PDZD2: variants seen among roughly 807,000 people sequenced by gnomAD.
The protein encoded by PDZD2 is PDZ domain-containing protein 2.
PDZD2 carries 90 observed loss-of-function variants against 220.7 expected under a neutral mutation model. The observed-to-expected ratio is 0.41, with a 90% CI of 0.34 to 0.49. PDZD2 has a LOEUF of 0.49. PDZD2 is among the 20% of genes least tolerant of loss of function. The pLI is 0.28. For missense variants in PDZD2, 3,174 were observed against 3,608.5 expected, an observed-to-expected ratio of 0.88 and a Z score of 3.08; for synonymous variants, 1,375 against 1,450.5, an observed-to-expected ratio of 0.95 and a Z score of 1.18.
In PDZD2 at chr5:31,799,324, G is replaced by A; in HGVS notation, c.76G>A (p.Gly26Ser). The A allele has an allele frequency of 6.2e-7, 1 of 1,614,214 alleles. No individual in the cohort carries two copies. The highest frequency in any genetic ancestry group is 8.5e-7 in the Non-Finnish European group (1 of 1,180,012). ...GTGGCTGCAGAACAGCCTGCAGGAAGGTGGGGATGGGCCGGAGCAGCGGCT... is the reference window on the plus strand; with the variant it reads ...GTGGCTGCAGAACAGCCTGCAGGAAAGTGGGGATGGGCCGGAGCAGCGGCT... ...YQWLQNSLQE[G>S]GDGPEQRLCQ... Residue 26 changes from glycine (G) to serine (S), a missense_variant, in exon 2 of 25, where the codon GGT (glycine) becomes AGT (serine). By Grantham distance (56) the Gly-to-Ser change is moderately conservative (BLOSUM62 0). Coordinates refer to ENST00000438447, the MANE Select transcript of PDZD2 (RefSeq NM_178140.4).
chr5:31,897,342 C>G (rs984715138), intron 2 of PDZD2, among the ~76,000 whole-genome samples: 7 of 152,060 alleles, frequency 4.6e-5, no homozygotes, highest in Admixed American at 3.9e-4. Context: ...CTGTGGACAG[C>G]CTGGACTGGT....
chr5:31,983,084 A>C, intron 2 of PDZD2, 71 bp from the exon 3 acceptor site: 1 of 1,503,574 alleles, frequency 6.7e-7, no homozygotes. Flanking sequence ...GGACCCTTGA[A>C]CGCGTCTGTC....
At chr5:31,960,981 A>G (rs749556426) in intron 2 of PDZD2, among the ~76,000 whole-genome samples, 10 of 152,122 alleles carry the variant, frequency 6.6e-5, no homozygotes, top group Non-Finnish European at 1.5e-4. Flanking sequence ...ACTGAGCCCA[A>G]TGCCATCACT....
chr5:32,044,487 TG>T (rs1737738192), intron 7 of PDZD2, among the ~76,000 whole-genome samples: 1 of 152,024 alleles, frequency 6.6e-6, no homozygotes, highest in Admixed American at 6.6e-5. Context: ...GGCAGTATGC[TG>T]GGGGAATTTG....
At chr5:31,855,025 GC>G (rs1393710285) in intron 2 of PDZD2, 37 of 985,142 alleles carry the variant, frequency 3.8e-5, no homozygotes, top group Non-Finnish European at 4.3e-5. Context: ...CCCCCGGGCC[GC>G]CTGCAGGTGA....
chr5:31,660,285 T>C (rs1745709175), intron 1 of PDZD2, among the ~76,000 whole-genome samples: 1 of 152,204 alleles, frequency 6.6e-6, no homozygotes, highest in Admixed American at 6.5e-5. Flanking sequence ...CATGTTATTC[T>C]TCCTCTCCAT....
intron 1 of PDZD2, among the ~76,000 whole-genome samples, chr5:31,695,413 CAA>C (rs1185029305): frequency 6.6e-6 from 1 of 152,180 alleles, no homozygotes; most frequent in East Asian, 1.9e-4. Flanking sequence ...TGTTTGAAAT[CAA>C]GACAGAATCT....
intron 2 of PDZD2, among the ~76,000 whole-genome samples, chr5:31,905,567 C>A (rs6896372): frequency 0.19 from 29,178 of 152,162 alleles, 3,027 homozygotes; most frequent in African/African-American, 0.27. Context: ...ACCCAGCAGA[C>A]CCCTGGTCAA....
Position 31,664,451 on chromosome 5 carries a change from T to TACAC in PDZD2, c.-361+25038_-361+25041dup, listed in dbSNP as rs10629638. On this transcript the variant is annotated intron_variant, in intron 1 of 24. Coordinates refer to ENST00000438447, the MANE Select transcript of PDZD2 (RefSeq NM_178140.4). The stretch of plus-strand genomic sequence containing the variant: ...ACACAGACACATGCGCATGCATGCA[T>TACAC]ACACACACACACACACACACACACA... Among the ~76,000 whole-genome samples, 1,032 of 144,804 alleles carry TACAC rather than the reference T, an allele frequency of 7.1e-3. 11 individuals are homozygous for TACAC. Among genetic ancestry groups the TACAC allele is most frequent in the South Asian group, 0.034 (150 of 4,416 alleles). 95.0% of individuals were successfully genotyped at this position (144,804 alleles called of 152,430 possible). A position where few individuals can be genotyped will look rare whatever the true frequency, so the allele number is the denominator to read the frequency against.
At chr5:32,023,211 C>CTCGTG (rs1561374565) in intron 6 of PDZD2, among the ~76,000 whole-genome samples, 3 of 152,248 alleles carry the variant, frequency 2.0e-5, no homozygotes, top group East Asian at 3.9e-4. Flanking sequence ...CCTTTGAACC[C>CTCGTG]TCATGTCATC....
chr5:32,014,706 CTT>C lies in PDZD2; in HGVS notation c.1407+4251_1407+4252del, dbSNP rs556276502. Among the ~76,000 whole-genome samples, 28 of 95,424 alleles carry C rather than the reference CTT, an allele frequency of 2.9e-4. 2 individuals are homozygous for C. Among genetic ancestry groups the C allele is most frequent in the African/African-American group, 1.1e-3 (26 of 22,900 alleles). 62.6% of individuals were successfully genotyped at this position (95,424 alleles called of 152,430 possible). ...ATTTTCTGCTCTGCAATGACAATTT[CTT>C]TTTTTTTTTTTTTTTTTTTTTTTTT... On this transcript the variant is annotated intron_variant, in intron 6 of 24. Transcript: ENST00000438447.
chr5:31,741,183 AAT>A (rs1347505611), intron 1 of PDZD2, among the ~76,000 whole-genome samples: 4 of 119,830 alleles, frequency 3.3e-5, no homozygotes. Flanking sequence ...GATCTTGTAC[AAT>A]AGTGTGTACA....
intron 2 of PDZD2, chr5:31,854,868 G>T: frequency 1.9e-6 from 1 of 518,706 alleles, no homozygotes; most frequent in Non-Finnish European, 2.5e-6. Flanking sequence ...GTTTAGGATT[G>T]CATTACAGGC....
At chr5:31,925,291 G>T (rs1464586755) in intron 2 of PDZD2, among the ~76,000 whole-genome samples, 1 of 151,778 alleles carries the variant, frequency 6.6e-6, no homozygotes, top group East Asian at 1.9e-4. Context: ...ACAAAATAGA[G>T]AACCCAGAAA....
chr5:32,052,851 C>T, intron 9 of PDZD2, 121 bp downstream of exon 9: 1 of 1,054,684 alleles, frequency 9.5e-7, no homozygotes, highest in Non-Finnish European at 1.4e-6. Flanking sequence ...TGCTCTGTTG[C>T]CCAGGCCGGA....
intron 2 of PDZD2, among the ~76,000 whole-genome samples, chr5:31,812,459 C>T (rs1755180250): frequency 6.6e-6 from 1 of 152,018 alleles, no homozygotes; most frequent in South Asian, 2.1e-4. Flanking sequence ...GATATACAAC[C>T]CTCTTTTTTT....
intron 1 of PDZD2, among the ~76,000 whole-genome samples, chr5:31,758,550 C>T (rs1294943795): frequency 6.6e-6 from 1 of 152,190 alleles, no homozygotes; most frequent in Non-Finnish European, 1.5e-5. Context: ...GGCCGATGGG[C>T]CCCGGAAGAT....
At position 32,107,951 on chromosome 5, in the gene PDZD2, CTG is replaced by C; in HGVS notation, c.8354-14_8354-13del. The C allele has an allele frequency of 6.3e-7, 1 of 1,579,912 alleles. No homozygotes were observed. Among genetic ancestry groups the C allele is most frequent in the African/African-American group, 1.3e-5 (1 of 74,130 alleles). On this transcript the variant is annotated splice_polypyrimidine_tract_variant and intron_variant, in intron 24 of 24. Transcript: ENST00000438447. ...TGAAACTGCCAAGCTATTAATTATT[CTG>C]TGTTTATTCTCGTAGGTGGTGCGGC...
At chr5:31,814,302 T>C (rs913355692) in intron 2 of PDZD2, among the ~76,000 whole-genome samples, 1 of 152,132 alleles carries the variant, frequency 6.6e-6, no homozygotes, top group Non-Finnish European at 1.5e-5. Flanking sequence ...TGTAAAATAT[T>C]TAGAGTTTTA....
Sources: gnomAD v4.1 joint callset for allele counts (sites outside exome capture counted in the v4.1 genomes callset) on GRCh38, gnomAD v4.1.1 for gene constraint, MANE v1.5 for transcripts, NCBI Gene and HGNC (gene_info 2026-07-23, HGNC 2026-07-21) for gene names.